UNC80: variants seen among roughly 807,000 people sequenced by gnomAD.
The protein encoded by UNC80 is protein unc-80 homolog.
Under a neutral mutation model 384.6 loss-of-function variants are expected in UNC80, and 164 were observed. That is an observed-to-expected ratio of 0.43 (90% confidence interval 0.38 to 0.49). The LOEUF (loss-of-function observed/expected upper bound fraction) is 0.49, where lower values mean the gene tolerates loss of function less well. Ranked by LOEUF, UNC80 falls within the 20% of genes least tolerant of loss-of-function variation. UNC80 has a pLI of 0.00. For missense variants in UNC80, 3,330 were observed against 4,143.0 expected (o/e 0.80, Z 5.39); for synonymous variants, 1,486 against 1,527.8 (o/e 0.97, Z 0.64).
rs980531579 is a variant in UNC80, at chr2:209,872,277, G to C, written c.3628-481G>C. 1.3e-5 allele frequency among the ~76,000 whole-genome samples: 2 copies of C among 152,110 alleles called. No individual in the cohort carries two copies. The highest frequency in any genetic ancestry group is 4.8e-5 in the African/African-American group (2 of 41,420). On this transcript the variant is annotated intron_variant, in intron 22 of 64. Transcript: ENST00000673920. This position sits in a 1 kb window ranked among gnomAD's most constrained non-coding sequence, Gnocchi z 4.1. ...TTTACCTCTTTGGAACATATGGATG[G>C]TTATAGACAAAAGACTATTGCTGGT...
intron 22 of UNC80, among the ~76,000 whole-genome samples, chr2:209,853,427 T>G (rs549939504): frequency 6.6e-6 from 1 of 152,204 alleles, no homozygotes; most frequent in East Asian, 1.9e-4. Context: ...CCTGTTTTTT[T>G]TGTTGGTTCT....
rs567799403 is a variant in UNC80, at chr2:209,815,128, A to G, written c.1201-129A>G. ...CAGAATTTGGATTCCAGAAGTCCAG[A>G]CATACAAGTTCAATTGTTCAAAGAT... On this transcript the variant is annotated intron_variant, in intron 8 of 64. Transcript: ENST00000673920. 89 of 822,704 alleles carry G rather than the reference A, an allele frequency of 1.1e-4. 2 individuals carry two copies. In the South Asian group the frequency reaches 2.4e-3, roughly 22 times the overall value. 51.0% of individuals were successfully genotyped at this position (822,704 alleles called of 1,614,324 possible).
intron 7 of UNC80, chr2:209,809,670 A>G: frequency 1.8e-6 from 1 of 557,866 alleles, no homozygotes; most frequent in South Asian, 2.3e-5. Flanking sequence ...GGAGTACACC[A>G]TGTCCTCATG....
intron 7 of UNC80, among the ~76,000 whole-genome samples, chr2:209,803,122 G>A (rs1291995211): frequency 1.3e-5 from 2 of 152,168 alleles, no homozygotes; most frequent in Non-Finnish European, 2.9e-5. Context: ...GTCATATAAG[G>A]TAACCTAATT....
Position 209,881,055 on chromosome 2 carries a change from C to A in UNC80, c.4071C>A (p.Thr1357=). 1 of 1,551,692 alleles carries A rather than the reference C, an allele frequency of 6.4e-7. No homozygotes were observed. Among genetic ancestry groups the A allele is most frequent in the South Asian group, 1.2e-5 (1 of 84,048 alleles). The change falls in exon 25 of 65, where the codon ACC becomes ACA. Residue 1357 remains threonine (T), a synonymous_variant. Coordinates refer to ENST00000673920, the MANE Select transcript of UNC80 (RefSeq NM_001371986.1). ...AGATTACCACCTTCCTGCGAGAGAC[C>A]TTTTCTTGCCTGCCCAGACCTCGCA... ...LLEITTFLRE[T]FSCLPRPRTE...
intron 23 of UNC80, among the ~76,000 whole-genome samples, chr2:209,875,873 A>AT (rs1300470348): frequency 1.3e-5 from 2 of 151,928 alleles, no homozygotes; most frequent in Admixed American, 1.3e-4. Context: ...TTATTTCTTT[A>AT]TTTTTTTATT....
At chr2:209,956,917 C>G (rs2092439901) in intron 48 of UNC80, among the ~76,000 whole-genome samples, 1 of 152,130 alleles carries the variant, frequency 6.6e-6, no homozygotes, top group Non-Finnish European at 1.5e-5. Context: ...ACTTTCTAGC[C>G]ATCCCCAGCA....
At chr2:209,927,945 C>T (rs2090562546) in intron 36 of UNC80, among the ~76,000 whole-genome samples, 1 of 152,068 alleles carries the variant, frequency 6.6e-6, no homozygotes, top group Non-Finnish European at 1.5e-5. Context: ...GCTGGAATTG[C>T]ATTCTAGATG....
intron 53 of UNC80, 55 bp downstream of exon 53, chr2:209,969,946 G>C (rs1354374875): frequency 1.7e-5 from 26 of 1,539,014 alleles, no homozygotes; most frequent in Non-Finnish European, 2.1e-5. Flanking sequence ...CTCTGCTATT[G>C]ACTTCTCTGA....
At chr2:209,773,611 G>A (rs1387614884) in intron 2 of UNC80, among the ~76,000 whole-genome samples, 2 of 152,132 alleles carry the variant, frequency 1.3e-5, no homozygotes, top group African/African-American at 2.4e-5. Context: ...AGGGTGGGGC[G>A]GGATCGAGTG....
chr2:209,912,496 A>G lies in UNC80; in HGVS notation c.4783-64A>G, dbSNP rs1385229635. On this transcript the variant is annotated intron_variant, in intron 29 of 64. Transcript: ENST00000673920. ...TGGTTGCCTGGAGAATTGCGGGGAC[A>G]TATAGCACTGTTGGGTTTTTAGAAA... 4.5e-6 allele frequency: 5 copies of G among 1,122,352 alleles called. No individual in the cohort carries two copies. In the African/African-American group the frequency reaches 6.4e-5, roughly 14 times the overall value. The allele number at this position is 1,122,352 out of a possible 1,614,324, so 69.5% of individuals were successfully genotyped here.
chr2:209,945,158 G>A lies in UNC80; in HGVS notation c.7158G>A (p.Leu2386=). ...CCGACATATTAGACATCTTAGAGCT[G>A]GTCAAAGCTGAGAAGCCTCTCAAGT... The part of the protein sequence containing the change: ...ETTDILDILE[L]VKAEKPLKSL... The change falls in exon 46 of 65, where the codon CTG becomes CTA. Residue 2386 remains leucine (L), a synonymous_variant. Transcript: ENST00000673920. The A allele has an allele frequency of 6.5e-7, 1 of 1,550,290 alleles. No individual in the cohort carries two copies. Among genetic ancestry groups the A allele is most frequent in the South Asian group, 1.2e-5 (1 of 83,852 alleles).
chr2:209,930,198 G>A (rs1280814777), intron 37 of UNC80, among the ~76,000 whole-genome samples: 1 of 151,882 alleles, frequency 6.6e-6, no homozygotes, highest in Non-Finnish European at 1.5e-5. Context: ...TTGCTAGTGA[G>A]GATCCTAAAA....
chr2:209,853,476 G>T (rs567511459), intron 22 of UNC80, among the ~76,000 whole-genome samples: 35 of 152,046 alleles, frequency 2.3e-4, no homozygotes, highest in African/African-American at 7.9e-4. Context: ...ACCACTAAAT[G>T]TAGGGATAAT....
chr2:209,921,758 A>G, intron 34 of UNC80, 72 bp downstream of exon 34: 1 of 1,434,736 alleles, frequency 7.0e-7, no homozygotes, highest in Non-Finnish European at 9.2e-7. Context: ...ATTAACATTG[A>G]CAATTTTATG....
chr2:209,950,446 CA>C (rs1280623487), intron 47 of UNC80, among the ~76,000 whole-genome samples: 1 of 151,444 alleles, frequency 6.6e-6, no homozygotes, highest in African/African-American at 2.4e-5. Context: ...AGGAGTTTAT[CA>C]ATAGTTTTCC....
At chr2:209,967,784 T>C in intron 52 of UNC80, 147 bp downstream of exon 52, 2 of 668,240 alleles carry the variant, frequency 3.0e-6, no homozygotes, top group South Asian at 4.3e-5. Flanking sequence ...GGTCTATGAA[T>C]GCCTAAGTAG....
chr2:209,889,178 A>G (rs1286612874), intron 26 of UNC80, among the ~76,000 whole-genome samples: 1 of 152,160 alleles, frequency 6.6e-6, no homozygotes, highest in Non-Finnish European at 1.5e-5. Flanking sequence ...ATGGGAGACT[A>G]CTTTATGAGT....
In UNC80 at chr2:209,972,316, G is replaced by A. The variant is rs1348432149; in HGVS notation, c.8372G>A (p.Gly2791Glu). 6.4e-7 allele frequency: 1 copy of A among 1,551,128 alleles called. No individual in the cohort carries two copies. The change falls in exon 55 of 65, where the codon GGA (glycine) becomes GAA (glutamate). Residue 2791 changes from glycine to glutamate, a missense_variant. Gly to Glu is a moderately conservative substitution (Grantham distance 98). Transcript: ENST00000673920. ...CCATTTGTGCTCACAGTAGGATCTG[G>A]AAGCAAAGGTCTGATTAATTTAACT... The part of the protein sequence containing the change: ...LIPFVLTVGS[G>E]SKDSPWLEQP...
Sources: allele counts gnomAD v4.1 joint callset (sites outside exome capture counted in the v4.1 genomes callset), GRCh38; gene constraint gnomAD v4.1.1; non-coding constraint Gnocchi (gnomAD v3.1); transcripts MANE v1.5; gene names NCBI Gene and HGNC (gene_info 2026-07-23, HGNC 2026-07-21).